The following CDH18 variants were observed in gnomAD, a reference collection of about 807,000 sequenced individuals.
CDH18 encodes the protein cadherin-18.
CDH18 carries 31 observed loss-of-function variants against 67.9 expected under a neutral mutation model. That is an observed-to-expected ratio of 0.46 (90% CI 0.34 to 0.62). The LOEUF is 0.62. Ranked by LOEUF, CDH18 falls within the 20% of genes least tolerant of loss-of-function variation. The pLI is 0.01. For synonymous variants in CDH18, 362 were observed against 347.2 expected, an observed-to-expected ratio of 1.04 and a Z score of -0.48; for missense variants, 890 against 975.5, an observed-to-expected ratio of 0.91 and a Z score of 1.17.
intron 1 of CDH18, among the ~76,000 whole-genome samples, chr5:20,315,280 G>C (rs4132106): frequency 1.3e-4 from 20 of 151,812 alleles, no homozygotes; most frequent in African/African-American, 4.6e-4. Context: ...AATCCATACA[G>C]TGCTACTCTT....
At chr5:19,530,274 G>A (rs1015886170) in intron 9 of CDH18, among the ~76,000 whole-genome samples, 2 of 151,558 alleles carry the variant, frequency 1.3e-5, no homozygotes, top group African/African-American at 4.8e-5. Flanking sequence ...TATAAAACAT[G>A]GCCCAAAGGA....
chr5:20,294,185 G>A (rs1485948774), intron 1 of CDH18, among the ~76,000 whole-genome samples: 1 of 152,140 alleles, frequency 6.6e-6, no homozygotes, highest in Non-Finnish European at 1.5e-5. Context: ...GCATTTCAAT[G>A]CCCACTTCTT....
intron 1 of CDH18, among the ~76,000 whole-genome samples, chr5:20,490,950 C>T (rs1184463940): frequency 1.3e-5 from 2 of 152,008 alleles, no homozygotes; most frequent in Non-Finnish European, 2.9e-5. Flanking sequence ...GTATCCTTAA[C>T]ATTTTAAGTC....
intron 2 of CDH18, among the ~76,000 whole-genome samples, chr5:20,177,217 CA>C (rs150008453): frequency 0.011 from 1,686 of 152,086 alleles, 31 homozygotes; most frequent in African/African-American, 0.038. Context: ...GTAACAGTTT[CA>C]AAATTCTGTT....
At chr5:20,421,475 A>G (rs1747854358) in intron 1 of CDH18, among the ~76,000 whole-genome samples, 1 of 150,962 alleles carries the variant, frequency 6.6e-6, no homozygotes, top group Non-Finnish European at 1.5e-5. Context: ...CATTCCTACC[A>G]GACTTGGCCC....
chr5:19,659,727 G>A (rs1756905990), intron 5 of CDH18, among the ~76,000 whole-genome samples: 1 of 152,044 alleles, frequency 6.6e-6, no homozygotes, highest in East Asian at 1.9e-4. Flanking sequence ...CTTCTGCCAT[G>A]TGAGGATGCA....
At chr5:20,128,506 G>A (rs760079772) in intron 2 of CDH18, among the ~76,000 whole-genome samples, 3 of 151,976 alleles carry the variant, frequency 2.0e-5, no homozygotes, top group Non-Finnish European at 2.9e-5. Flanking sequence ...TGTTTCCTTG[G>A]CATAAATCAA....
intron 9 of CDH18, among the ~76,000 whole-genome samples, chr5:19,536,480 G>A (rs1749440734): frequency 6.6e-6 from 1 of 152,172 alleles, no homozygotes; most frequent in African/African-American, 2.4e-5. Flanking sequence ...AAAACAGAGA[G>A]GGCTGAGTCT....
chr5:19,877,595 A>G (rs1327289696), intron 2 of CDH18, among the ~76,000 whole-genome samples: 3 of 152,154 alleles, frequency 2.0e-5, no homozygotes, highest in Non-Finnish European at 4.4e-5. Flanking sequence ...GCTATGTGTG[A>G]GACATTTATG....
chr5:19,671,386 T>G (rs1483000594), intron 5 of CDH18, among the ~76,000 whole-genome samples: 1 of 152,184 alleles, frequency 6.6e-6, no homozygotes, highest in Non-Finnish European at 1.5e-5. Flanking sequence ...CACATAAATA[T>G]ACCATTGATA....
At chr5:20,547,499 T>C (rs1203585309) in intron 1 of CDH18, among the ~76,000 whole-genome samples, 1 of 151,310 alleles carries the variant, frequency 6.6e-6, no homozygotes, top group Admixed American at 6.6e-5. Flanking sequence ...AGGCAGAGGT[T>C]GCAATGAGTC....
chr5:20,555,955 T>A (rs1757882597), intron 1 of CDH18, among the ~76,000 whole-genome samples: 1 of 152,176 alleles, frequency 6.6e-6, no homozygotes, highest in South Asian at 2.1e-4. Context: ...TTCCCTTCTT[T>A]GGAAATCCTG....
intron 2 of CDH18, among the ~76,000 whole-genome samples, chr5:20,069,045 A>G (rs1026860994): frequency 6.6e-6 from 1 of 152,018 alleles, no homozygotes. Context: ...TGAATGGGGG[A>G]AAAAAAGGAG....
rs796847390 is a variant in CDH18 at position 19,955,334 on chromosome 5, T to C, written c.-257+25726A>G. 5.9e-5 allele frequency among the ~76,000 whole-genome samples: 9 copies of C among 152,038 alleles called. No homozygotes were observed. The East Asian group carries it at 1.2e-3, about 20-fold the overall frequency. On this transcript the variant is annotated intron_variant, in intron 2 of 12. Coordinates refer to ENST00000382275, the MANE Select transcript of CDH18 (RefSeq NM_004934.5). ...CATTTCACAATAGCATCAAATATGATGGTAAAGGTAAAAGGAATGAGAATC... is the reference window on the plus strand; with the variant it reads ...CATTTCACAATAGCATCAAATATGACGGTAAAGGTAAAAGGAATGAGAATC...
intron 1 of CDH18, among the ~76,000 whole-genome samples, chr5:20,555,408 CTTTTTTTTTTTTTTTTTTTTTTTTTTTTT>C (rs774396694): frequency 1.6e-4 from 17 of 103,664 alleles, no homozygotes; most frequent in African/African-American, 2.9e-4. Flanking sequence ...ACAAGCTTTT[CTTTTTTTTTTTTTTTTTTTTTTTTTTTTT>C]TTTTTTTTTT....
At chr5:20,316,470 T>C (rs1335955328) in intron 1 of CDH18, among the ~76,000 whole-genome samples, 4 of 152,086 alleles carry the variant, frequency 2.6e-5, no homozygotes, top group Admixed American at 6.5e-5. Flanking sequence ...ATATAAATTC[T>C]ACATTGCACA....
intron 2 of CDH18, among the ~76,000 whole-genome samples, chr5:19,916,928 A>T (rs1791859832): frequency 6.6e-6 from 1 of 152,194 alleles, no homozygotes; most frequent in Non-Finnish European, 1.5e-5. Flanking sequence ...ATTAATCAAG[A>T]TGTCACTGAT....
At chr5:19,868,798 T>A (rs1581716443) in intron 2 of CDH18, among the ~76,000 whole-genome samples, 2 of 152,226 alleles carry the variant, frequency 1.3e-5, no homozygotes, top group East Asian at 3.9e-4. Flanking sequence ...CAACTCCCCA[T>A]TCAGCCAGGG....
At chr5:20,004,337 A>G (rs1481218168) in intron 2 of CDH18, among the ~76,000 whole-genome samples, 3 of 152,220 alleles carry the variant, frequency 2.0e-5, no homozygotes, top group African/African-American at 4.8e-5. Context: ...GCAACTGGGC[A>G]TTGTCTCTGA....
Sources: gnomAD v4.1 joint callset for allele counts (sites outside exome capture counted in the v4.1 genomes callset) on GRCh38, gnomAD v4.1.1 for gene constraint, MANE v1.5 for transcripts, NCBI Gene and HGNC (gene_info 2026-07-23, HGNC 2026-07-21) for gene names.